Variants in RGS12 observed in about 807,000 individuals in gnomAD.
RGS12 encodes regulator of G-protein signaling 12.
A neutral mutation model predicts 120.1 loss-of-function variants in RGS12; 66 were observed. The observed-to-expected ratio is 0.55, with a 90% CI of 0.45 to 0.67. The LOEUF (loss-of-function observed/expected upper bound fraction) is 0.67, where lower values mean the gene tolerates loss of function less well. Ranked by LOEUF, RGS12 falls within the 30% of genes least tolerant of loss-of-function variation. The probability of loss-of-function intolerance (pLI) is 0.00; values close to 1 mark genes in which losing one functional copy is unlikely to be tolerated. For synonymous variants in RGS12, 827 were observed against 804.7 expected (o/e 1.03, Z -0.47); for missense variants, 1,859 against 1,957.7 (o/e 0.95, Z 0.95).
chr4:3,305,451 C>T (rs1461734228), intron 1 of RGS12, among the ~76,000 whole-genome samples: 1 of 152,164 alleles, frequency 6.6e-6, no homozygotes, highest in Admixed American at 6.5e-5. Context: ...CAGAGTCCCG[C>T]GTCATCCTCT....
the RGS12 span, among the ~76,000 whole-genome samples, chr4:3,287,189 C>T: frequency 6.6e-6 from 1 of 152,186 alleles, no homozygotes; most frequent in Non-Finnish European, 1.5e-5. Context: ...GGGAGGGCGG[C>T]GTTTGCGTGA....
intron 2 of RGS12, among the ~76,000 whole-genome samples, chr4:3,327,605 G>A (rs1725644416): frequency 6.6e-6 from 1 of 152,038 alleles, no homozygotes; most frequent in African/African-American, 2.4e-5. Flanking sequence ...TTAAAAAGTG[G>A]GCAAAGGATA....
intron 1 of RGS12, among the ~76,000 whole-genome samples, chr4:3,310,546 G>A (rs1382930596): frequency 6.6e-6 from 1 of 152,218 alleles, no homozygotes; most frequent in Non-Finnish European, 1.5e-5. Flanking sequence ...CTGGGTCCAG[G>A]GAAGGTCTGG....
chr4:3,371,403 A>G (rs1165914162), intron 3 of RGS12, among the ~76,000 whole-genome samples: 1 of 152,170 alleles, frequency 6.6e-6, no homozygotes, highest in African/African-American at 2.4e-5. Flanking sequence ...TCAGTTAGCC[A>G]TTTGTACTTA....
intron 1 of RGS12, among the ~76,000 whole-genome samples, chr4:3,311,867 C>T (rs1473274060): frequency 6.6e-6 from 1 of 152,192 alleles, no homozygotes; most frequent in African/African-American, 2.4e-5. Flanking sequence ...GTCGGTGACT[C>T]CTGATGGGAG....
chr4:3,334,658 A>G (rs1333990193), intron 2 of RGS12, among the ~76,000 whole-genome samples: 1 of 152,102 alleles, frequency 6.6e-6, no homozygotes, highest in Non-Finnish European at 1.5e-5. Flanking sequence ...GAGGATTTCA[A>G]TAACTTTTTA....
intron 17 of RGS12, chr4:3,431,677 C>G: frequency 1.0e-6 from 1 of 985,716 alleles, no homozygotes; most frequent in Non-Finnish European, 1.2e-6. Context: ...AAAGGTGTTT[C>G]CAGGGGTCCG....
rs1415954779 is a variant in RGS12, at chr4:3,417,557, C to A, written c.2761+16C>A. The A allele has an allele frequency of 6.2e-7, 1 of 1,611,434 alleles. No individual in the cohort carries two copies. The highest frequency in any genetic ancestry group is 2.2e-5 in the East Asian group (1 of 44,840). ...CACGCAGACGGTTTGTGGGGTGGCT[C>A]CTGGGCTGTGGTGTCCAGGCCAGGC... On this transcript the variant is annotated intron_variant, in intron 9 of 17. Coordinates refer to ENST00000336727, the MANE Select transcript of RGS12 (RefSeq NM_001394154.1).
At position 3,423,186 on chromosome 4, in the gene RGS12, C is replaced by T. The variant is rs147001494; in HGVS notation, c.3107+208C>T. On this transcript the variant is annotated intron_variant, in intron 12 of 17. Coordinates refer to ENST00000336727, the MANE Select transcript of RGS12 (RefSeq NM_001394154.1). ...GAGAGGCGCCCTCTCCTCCCTGTCC[C>T]GTGAACAGGGACTGCCCTGGCCTGG... Among the ~76,000 whole-genome samples the T allele has an allele frequency of 3.4e-3, 516 of 152,294 alleles. 2 individuals are homozygous for T. Among genetic ancestry groups the T allele is most frequent in the African/African-American group, 0.012 (490 of 41,560 alleles).
chr4:3,423,538 G>A lies in RGS12; in HGVS notation c.3131G>A (p.Arg1044Gln), dbSNP rs755373790. 1.1e-5 allele frequency: 18 copies of A among 1,612,934 alleles called. No homozygotes were observed. The highest frequency in any genetic ancestry group is 6.7e-5 in the East Asian group (3 of 44,890). ...AGGCTGGATCTTGTTCCGATTAACC[G>A]GTCAGTGGGACTCAAGGCCAAGCCC... The part of the protein sequence containing the change: ...LFRLDLVPIN[R>Q]SVGLKAKPTK... The change falls in exon 13 of 18, where the codon CGG (arginine) becomes CAG (glutamine). Residue 1044 changes from arginine to glutamine, a missense_variant. By Grantham distance (43) the Arg-to-Gln change is conservative. This residue lies in a region of RGS12 where 375 missense variants were observed against 475.0 expected (regional missense o/e 0.79). Coordinates refer to ENST00000336727, the MANE Select transcript of RGS12 (RefSeq NM_001394154.1).
In RGS12 at chr4:3,439,799, G is replaced by A. The variant is rs1380736943; in HGVS notation, c.*115G>A. 2.9e-6 allele frequency: 3 copies of A among 1,047,074 alleles called. No homozygotes were observed. The highest frequency in any genetic ancestry group is 4.0e-6 in the Non-Finnish European group (3 of 744,152). The allele number at this position is 1,047,074 out of a possible 1,614,324, so 64.9% of individuals were successfully genotyped here. A position where few individuals can be genotyped will look rare whatever the true frequency, so the allele number is the denominator to read the frequency against. ...CACCACACCCTCAGGAGCCCAGCCA[G>A]GAGGGCAGGGGGTGACCTCGCTGGA... On this transcript the variant is annotated 3_prime_UTR_variant, in exon 18 of 18. Transcript: ENST00000336727.
Position 3,430,724 on chromosome 4 carries a change from C to G in RGS12, c.3883C>G (p.Pro1295Ala), listed in dbSNP as rs1300288907. 1 of 1,593,516 alleles carries G rather than the reference C, an allele frequency of 6.3e-7. No homozygotes were observed. Among genetic ancestry groups the G allele is most frequent in the Non-Finnish European group, 8.6e-7 (1 of 1,169,478 alleles). Residue 1295 changes from proline (P) to alanine (A), a missense_variant, in exon 17 of 18, where the codon CCC (proline) becomes GCC (alanine). Around this residue, in one of 3 missense-constraint regions of RGS12, gnomAD observed 517 missense variants for 488.5 expected, o/e 1.06. Transcript: ENST00000336727. The stretch of plus-strand genomic sequence containing the variant: ...GACGACCCCCCCCGGGCAGAAGTCT[C>G]CCAGCGGGCCCTTCTGCACTCCCCA... ...PGTTPPGQKS[P>A]SGPFCTPQSP...
chr4:3,364,906 C>T (rs1396378627), intron 3 of RGS12, among the ~76,000 whole-genome samples: 1 of 152,004 alleles, frequency 6.6e-6, no homozygotes, highest in Non-Finnish European at 1.5e-5. Context: ...GGACCCTCCC[C>T]GTGGCGAGAG....
At chr4:3,367,368 G>A (rs1716420075) in intron 3 of RGS12, among the ~76,000 whole-genome samples, 1 of 152,260 alleles carries the variant, frequency 6.6e-6, no homozygotes, top group African/African-American at 2.4e-5. Context: ...CGGTGCCTGT[G>A]CAGCGCATGA....
chr4:3,321,749 G>A (rs910337212), intron 2 of RGS12, among the ~76,000 whole-genome samples: 5 of 152,210 alleles, frequency 3.3e-5, no homozygotes, highest in Admixed American at 6.5e-5. Flanking sequence ...TGTCCAGCGC[G>A]CTCTGAGGCC....
intron 1 of RGS12, among the ~76,000 whole-genome samples, chr4:3,304,302 C>T (rs1407570879): frequency 6.6e-6 from 1 of 152,214 alleles, no homozygotes; most frequent in African/African-American, 2.4e-5. Flanking sequence ...TCAAAAACTA[C>T]TCATAATGTT....
chr4:3,435,374 G>A (rs757896344), intron 17 of RGS12, among the ~76,000 whole-genome samples: 40 of 152,034 alleles, frequency 2.6e-4, no homozygotes, highest in Non-Finnish European at 4.3e-4. Flanking sequence ...CCCGCCCTCC[G>A]CAGGAGCAGA....
At chr4:3,347,773 AT>A (rs1235126006) in intron 3 of RGS12, among the ~76,000 whole-genome samples, 1 of 152,258 alleles carries the variant, frequency 6.6e-6, no homozygotes, top group Admixed American at 6.5e-5. Context: ...GGAAAACAGA[AT>A]AGCTATGGTT....
intron 3 of RGS12, among the ~76,000 whole-genome samples, chr4:3,383,393 G>A (rs748580810): frequency 6.6e-6 from 1 of 152,082 alleles, no homozygotes; most frequent in African/African-American, 2.4e-5. Context: ...GATTGCTTGA[G>A]GCCAGGAATT....
Sources: gnomAD v4.1 joint callset for allele counts (sites outside exome capture counted in the v4.1 genomes callset) on GRCh38, gnomAD v4.1.1 for gene constraint, gnomAD v4.1.1 regional missense constraint, MANE v1.5 for transcripts, NCBI Gene and HGNC (gene_info 2026-07-23, HGNC 2026-07-21) for gene names.